CACNA1C: variants seen among roughly 807,000 people sequenced by gnomAD.
CACNA1C encodes the protein voltage-dependent L-type calcium channel subunit alpha-1C.
A neutral mutation model predicts 229.0 loss-of-function variants in CACNA1C; 30 were observed. The observed-to-expected ratio is 0.13, with a 90% CI of 0.10 to 0.18. The LOEUF is 0.18. Ranked by LOEUF, CACNA1C falls within the 10% of genes least tolerant of loss-of-function variation. The pLI is 1.00. For synonymous variants in CACNA1C, 1,114 were observed against 1,132.5 expected (o/e 0.98, Z 0.33); for missense variants, 1,658 against 2,845.0 (o/e 0.58, Z 9.49).
chr12:2,680,385 G>A, intron 42 of CACNA1C: 2 of 1,557,422 alleles, frequency 1.3e-6, no homozygotes, highest in Non-Finnish European at 1.7e-6. Context: ...TGACATGCTG[G>A]ATGGTGGGAC....
At chr12:2,483,646 G>A (rs900138974) in intron 5 of CACNA1C, among the ~76,000 whole-genome samples, 30 of 152,292 alleles carry the variant, frequency 2.0e-4, no homozygotes, top group African/African-American at 6.5e-4. Flanking sequence ...GCAGGACTTG[G>A]TTACTGAGTG....
At chr12:2,158,173 A>G (rs1358935571) in intron 3 of CACNA1C, among the ~76,000 whole-genome samples, 1 of 152,240 alleles carries the variant, frequency 6.6e-6, no homozygotes, top group Non-Finnish European at 1.5e-5. Flanking sequence ...ACAGAAGGAT[A>G]TTAGTATCCA....
chr12:2,672,326 A>T (rs1329653159), intron 38 of CACNA1C: 2 of 152,206 alleles, frequency 1.3e-5, no homozygotes, highest in Admixed American at 6.5e-5. Context: ...AATTACATAG[A>T]CCATCATGAG....
chr12:2,572,767 TGTTCC>T (rs2056564994), intron 13 of CACNA1C, among the ~76,000 whole-genome samples: 1 of 108,522 alleles, frequency 9.2e-6, no homozygotes, highest in East Asian at 3.3e-4. Flanking sequence ...CTCCTTCTTC[TGTTCC>T]TCCTTCTCCT....
At chr12:1,986,475 C>T (rs536608272) in intron 1 of CACNA1C, among the ~76,000 whole-genome samples, 48 of 152,180 alleles carry the variant, frequency 3.2e-4, no homozygotes, top group Non-Finnish European at 5.6e-4. Context: ...TTTTCCTCCA[C>T]TCTTCAGACC....
intron 3 of CACNA1C, among the ~76,000 whole-genome samples, chr12:2,441,232 C>G (rs1040177422): frequency 1.5e-4 from 23 of 152,172 alleles, no homozygotes; most frequent in Non-Finnish European, 2.8e-4. Flanking sequence ...GGTATGAGTT[C>G]TCACACCCTG....
At chr12:2,104,047 CT>C (rs1476155143) in intron 1 of CACNA1C, among the ~76,000 whole-genome samples, 1 of 152,156 alleles carries the variant, frequency 6.6e-6, no homozygotes, top group African/African-American at 2.4e-5. Context: ...TTAGGATTGT[CT>C]TGGCTATGCG....
chr12:2,592,886 C>A lies in CACNA1C; in HGVS notation c.2531-327C>A, dbSNP rs143116778. Among the ~76,000 whole-genome samples the A allele has an allele frequency of 4.1e-4, 63 of 152,078 alleles. 2 individuals carry two copies. Among genetic ancestry groups the A allele is most frequent in the African/African-American group, 1.5e-3 (62 of 41,494 alleles). ...GCAGTGCCCTGTCCTACCTGGTCAC[C>A]TTTTTTCATACCTTACAACTAGGAT... is the stretch of plus-strand genomic sequence containing the variant. On this transcript the variant is annotated intron_variant, in intron 18 of 46. Transcript: ENST00000399655.
intron 1 of CACNA1C, among the ~76,000 whole-genome samples, chr12:2,106,135 G>T (rs2078398250): frequency 1.9e-5 from 1 of 52,978 alleles, no homozygotes; most frequent in East Asian, 5.8e-4. Context: ...TTCCACCTGA[G>T]CTGGGCGTCC....
Position 2,686,157 on chromosome 12 carries a change from G to C in CACNA1C, c.5681-9G>C. 6.2e-7 allele frequency: 1 copy of C among 1,610,936 alleles called. No homozygotes were observed. Among genetic ancestry groups the C allele is most frequent in the Non-Finnish European group, 8.5e-7 (1 of 1,177,098 alleles). On this transcript the variant is annotated splice_polypyrimidine_tract_variant and intron_variant, in intron 44 of 46. Transcript: ENST00000399655. ...TGCCCTGATGGTGGCTCTCTGGCTG[G>C]CTTTGCAGGTCGAAGGGCCTCCTTC...
chr12:2,345,028 T>C (rs1210608104), intron 3 of CACNA1C, among the ~76,000 whole-genome samples: 4 of 148,896 alleles, frequency 2.7e-5, no homozygotes, highest in African/African-American at 1.0e-4. Flanking sequence ...GAAATGAAGC[T>C]GGGAACCATA....
In CACNA1C at chr12:2,467,909, A is replaced by G. The variant is rs968842834; in HGVS notation, c.757+10203A>G. The stretch of plus-strand genomic sequence containing the variant: ...CCAGGTGCTTTGCCTCGGTTTCTCA[A>G]TCTACAAAGAGTGAGTGATGGGGGT... On this transcript the variant is annotated intron_variant, in intron 5 of 46. Transcript: ENST00000399655. This position sits in a 1 kb window ranked among gnomAD's most constrained non-coding sequence, Gnocchi z 4.6. Among the ~76,000 whole-genome samples, 6 of 152,202 alleles carry G rather than the reference A, an allele frequency of 3.9e-5. No homozygotes were observed. Among genetic ancestry groups the G allele is most frequent in the African/African-American group, 7.2e-5 (3 of 41,466 alleles).
chr12:2,078,473 G>T (rs747657270), intron 1 of CACNA1C, among the ~76,000 whole-genome samples: 2 of 152,182 alleles, frequency 1.3e-5, no homozygotes, highest in Non-Finnish European at 2.9e-5. Flanking sequence ...AGTGAAATAA[G>T]CTGGTCACAG....
At chr12:2,088,679 G>A (rs576342401) in intron 1 of CACNA1C, among the ~76,000 whole-genome samples, 2 of 152,222 alleles carry the variant, frequency 1.3e-5, no homozygotes, top group African/African-American at 4.8e-5. Context: ...ACTTGCTGAC[G>A]AAACAACCTC....
intron 3 of CACNA1C, among the ~76,000 whole-genome samples, chr12:2,227,922 T>C (rs77245605): frequency 0.015 from 2,341 of 152,308 alleles, 53 homozygotes; most frequent in African/African-American, 0.046. Flanking sequence ...TGACTTTAAA[T>C]TCCCTGAACT....
chr12:1,977,381 C>T (rs1252491490), intron 1 of CACNA1C, among the ~76,000 whole-genome samples: 1 of 152,216 alleles, frequency 6.6e-6, no homozygotes, highest in African/African-American at 2.4e-5. Context: ...TTTTGGAAAG[C>T]TCGACAACTT....
intron 1 of CACNA1C, among the ~76,000 whole-genome samples, chr12:2,109,816 A>G (rs1355348005): frequency 6.6e-6 from 1 of 152,166 alleles, no homozygotes; most frequent in Non-Finnish European, 1.5e-5. Flanking sequence ...CCCTTTCCTT[A>G]GAACTTCTCC....
intron 38 of CACNA1C, among the ~76,000 whole-genome samples, chr12:2,672,816 C>T (rs937418612): frequency 2.4e-4 from 37 of 152,304 alleles, no homozygotes; most frequent in African/African-American, 8.7e-4. Flanking sequence ...AGCCCAGTAC[C>T]GAAGCTAAGT....
intron 3 of CACNA1C, among the ~76,000 whole-genome samples, chr12:2,336,949 G>C (rs1329091084): frequency 6.6e-6 from 1 of 152,226 alleles, no homozygotes; most frequent in Non-Finnish European, 1.5e-5. Context: ...GGAAAGGTGG[G>C]AAGCAACAGA....
Sources: gnomAD v4.1 joint callset for allele counts (sites outside exome capture counted in the v4.1 genomes callset) on GRCh38, gnomAD v4.1.1 for gene constraint, Gnocchi (gnomAD v3.1) non-coding constraint, MANE v1.5 for transcripts, NCBI Gene and HGNC (gene_info 2026-07-23, HGNC 2026-07-21) for gene names.